Variants in RYR2 observed in about 807,000 individuals in gnomAD.
RYR2 encodes cardiac muscle ryanodine receptor-calcium release channel.
RYR2 carries 227 observed loss-of-function variants against 601.1 expected under a neutral mutation model. That is an observed-to-expected ratio of 0.38 (90% confidence interval 0.34 to 0.42). The LOEUF (loss-of-function observed/expected upper bound fraction) is 0.42. Among genes scored for constraint, RYR2 ranks in the 10% least tolerant of loss-of-function variants. RYR2 has a pLI of 1.00. For synonymous variants in RYR2, 2,223 were observed against 2,175.1 expected (o/e 1.02, Z -0.61); for missense variants, 4,646 against 6,156.5 (o/e 0.75, Z 8.21).
intron 1 of RYR2, among the ~76,000 whole-genome samples, chr1:237,247,138 C>T (rs1165177164): frequency 2.6e-5 from 4 of 152,102 alleles, no homozygotes; most frequent in Admixed American, 2.0e-4. Flanking sequence ...TGATTCCTGC[C>T]TTATAAACCC....
intron 25 of RYR2, among the ~76,000 whole-genome samples, chr1:237,547,643 G>T (rs958270857): frequency 3.3e-5 from 5 of 152,124 alleles, no homozygotes; most frequent in African/African-American, 1.2e-4. Flanking sequence ...AGAATGAAGC[G>T]CTGTGTGTCT....
At chr1:237,623,403 T>C (rs200600282) in intron 38 of RYR2, among the ~76,000 whole-genome samples, 1 of 20,958 alleles carries the variant, frequency 4.8e-5, no homozygotes, top group African/African-American at 1.2e-4. Flanking sequence ...TTTTTTTTTT[T>C]TTTTTGAGAC....
intron 24 of RYR2, among the ~76,000 whole-genome samples, chr1:237,526,316 A>C (rs534276297): frequency 2.1e-4 from 32 of 151,616 alleles, no homozygotes; most frequent in African/African-American, 7.5e-4. Flanking sequence ...TCTTTTGAGA[A>C]ATGTCTATTT....
chr1:237,486,531 G>T (rs189509870), intron 17 of RYR2, among the ~76,000 whole-genome samples: 1 of 128,574 alleles, frequency 7.8e-6, no homozygotes, highest in African/African-American at 3.0e-5. Context: ...AGACTTAAAA[G>T]ACTCCATAGA....
chr1:237,669,108 T>C (rs1439704223), intron 58 of RYR2, among the ~76,000 whole-genome samples: 1 of 145,074 alleles, frequency 6.9e-6, no homozygotes, highest in East Asian at 2.0e-4. Context: ...CAAGCATCTG[T>C]TTAACAAAGC....
At chr1:237,402,182 C>G (rs1319190075) in intron 10 of RYR2, among the ~76,000 whole-genome samples, 1 of 151,352 alleles carries the variant, frequency 6.6e-6, no homozygotes, top group African/African-American at 2.4e-5. Flanking sequence ...TCACTTGGGC[C>G]CAGGAGTTCG....
At chr1:237,181,026 C>T (rs1453193725) in intron 1 of RYR2, among the ~76,000 whole-genome samples, 1 of 151,924 alleles carries the variant, frequency 6.6e-6, no homozygotes, top group Admixed American at 6.6e-5. Context: ...CTCTGTCACC[C>T]AGGCTGGAGT....
chr1:237,469,993 T>G (rs564320965), intron 17 of RYR2, among the ~76,000 whole-genome samples: 1 of 152,360 alleles, frequency 6.6e-6, no homozygotes, highest in South Asian at 2.1e-4. Flanking sequence ...TCACACATAA[T>G]TGACCTCTCT....
At chr1:237,817,627 T>C (rs1283341439) in intron 100 of RYR2, among the ~76,000 whole-genome samples, 1 of 152,142 alleles carries the variant, frequency 6.6e-6, no homozygotes, top group Non-Finnish European at 1.5e-5. Flanking sequence ...ACAGAGATGA[T>C]ACTTAAAGCC....
intron 1 of RYR2, among the ~76,000 whole-genome samples, chr1:237,221,724 G>C (rs756365837): frequency 6.6e-6 from 1 of 152,062 alleles, no homozygotes. Flanking sequence ...ATTCTATTTA[G>C]TAAGAAGGGA....
chr1:237,217,645 GTGA>G (rs1182766780), intron 1 of RYR2, among the ~76,000 whole-genome samples: 1 of 152,180 alleles, frequency 6.6e-6, no homozygotes, highest in Non-Finnish European at 1.5e-5. Flanking sequence ...AGCGGTGGTG[GTGA>G]TAATACGTGT....
chr1:237,675,343 C>T (rs1166662703), intron 60 of RYR2, among the ~76,000 whole-genome samples: 1 of 152,194 alleles, frequency 6.6e-6, no homozygotes, highest in East Asian at 1.9e-4. Flanking sequence ...CCCGTCTGGC[C>T]CAGTGCTGTC....
At chr1:237,624,037 C>A (rs1679386888) in intron 39 of RYR2, among the ~76,000 whole-genome samples, 167 bp downstream of exon 39, 1 of 151,930 alleles carries the variant, frequency 6.6e-6, no homozygotes, top group Non-Finnish European at 1.5e-5. Context: ...AATAACTGTC[C>A]CTATGTGGGG....
intron 80 of RYR2, among the ~76,000 whole-genome samples, chr1:237,751,701 C>G (rs1375992898): frequency 1.3e-5 from 2 of 152,136 alleles, no homozygotes; most frequent in Non-Finnish European, 2.9e-5. Context: ...TCTTTTGTCT[C>G]TGTAGATTAG....
chr1:237,243,519 A>G (rs986915173), intron 1 of RYR2, among the ~76,000 whole-genome samples: 14 of 152,166 alleles, frequency 9.2e-5, no homozygotes, highest in Non-Finnish European at 7.3e-5. Flanking sequence ...CCTGGGCACC[A>G]CCACCCAGGA....
intron 34 of RYR2, 104 bp from the exon 35 acceptor site, chr1:237,601,921 T>C: frequency 1.1e-6 from 1 of 875,680 alleles, no homozygotes; most frequent in Non-Finnish European, 1.7e-6. Context: ...AAGGAAAATC[T>C]CTGGGCTCCT....
intron 3 of RYR2, among the ~76,000 whole-genome samples, chr1:237,340,005 G>A (rs973842700): frequency 1.3e-5 from 2 of 152,116 alleles, no homozygotes; most frequent in Non-Finnish European, 2.9e-5. Flanking sequence ...TGAAGAACTA[G>A]GTTCTTTTAT....
chr1:237,148,553 T>TATATATACATAC (rs71178397), intron 1 of RYR2, among the ~76,000 whole-genome samples: 22 of 105,700 alleles, frequency 2.1e-4, no homozygotes, highest in African/African-American at 8.0e-4. Context: ...TATATATATA[T>TATATATACATAC]ACACACACAC....
At chr1:237,191,516 T>A (rs535560575) in intron 1 of RYR2, among the ~76,000 whole-genome samples, 2 of 152,182 alleles carry the variant, frequency 1.3e-5, no homozygotes, top group South Asian at 4.1e-4. Context: ...GAAGAAGCTG[T>A]TTACCAGGCT....
Sources: gnomAD v4.1 joint callset for allele counts (sites outside exome capture counted in the v4.1 genomes callset) on GRCh38, gnomAD v4.1.1 for gene constraint, MANE v1.5 for transcripts, NCBI Gene and HGNC (gene_info 2026-07-23, HGNC 2026-07-21) for gene names.